Variants in TMEM175 observed in about 807,000 individuals in gnomAD.
The protein encoded by TMEM175 is endosomal/lysosomal proton channel TMEM175.
TMEM175 carries 36 observed loss-of-function variants against 36.5 expected under a neutral mutation model. The observed-to-expected ratio is 0.99, with a 90% confidence interval of 0.76 to 1.30. TMEM175 has a LOEUF of 1.30. TMEM175 is among the 50% of genes most tolerant of loss of function. The pLI is 0.00. For synonymous variants in TMEM175, 339 were observed against 313.4 expected (o/e 1.08, Z -0.86); for missense variants, 705 against 692.8 (o/e 1.02, Z -0.20).
At chr4:954,702 T>C (rs925658794) in intron 8 of TMEM175, among the ~76,000 whole-genome samples, 3 of 152,156 alleles carry the variant, frequency 2.0e-5, no homozygotes, top group Non-Finnish European at 2.9e-5. Flanking sequence ...ATTTTTTAAG[T>C]TTAATTTTTT....
chr4:948,231 G>T (rs540481769), intron 3 of TMEM175, 77 bp downstream of exon 3: 4 of 1,612,676 alleles, frequency 2.5e-6, no homozygotes, highest in Non-Finnish European at 3.4e-6. Flanking sequence ...CTGGCACAGG[G>T]TGCTGACCCT....
At position 948,113 on chromosome 4, in the gene TMEM175, C is replaced by T. The variant is rs751311611; in HGVS notation, c.154-3C>T. On this transcript the variant is annotated splice_polypyrimidine_tract_variant and splice_region_variant and intron_variant, in intron 2 of 10. Transcript: ENST00000264771. ...GCTTCCTTCTGTCTCTTTGCCCCCT[C>T]AGATCCTGCCTGTGACCCACACGGA... The T allele has an allele frequency of 9.3e-6, 15 of 1,614,032 alleles. No individual in the cohort carries two copies. Among genetic ancestry groups the T allele is most frequent in the East Asian group, 6.7e-5 (3 of 44,890 alleles).
At chr4:951,634 C>T (rs1261309242) in intron 5 of TMEM175, 48 bp from the exon 6 acceptor site, 1 of 1,613,620 alleles carries the variant, frequency 6.2e-7, no homozygotes, top group Non-Finnish European at 8.5e-7. Context: ...ATTCCCCTGC[C>T]CTTCTCCCCA....
rs560323771 is a variant in TMEM175, at chr4:945,700, C to A, written c.-31-2009C>A. Among the ~76,000 whole-genome samples the A allele has an allele frequency of 7.7e-4, 117 of 152,266 alleles. 1 individual carries two copies. Among genetic ancestry groups the A allele is most frequent in the African/African-American group, 2.6e-3 (109 of 41,538 alleles). On this transcript the variant is annotated intron_variant, in intron 1 of 10. Coordinates refer to ENST00000264771, the MANE Select transcript of TMEM175 (RefSeq NM_032326.4). Reference sequence around the variant, plus strand: ...GCCACATATTTCAGTCCCCTGATGCCCTTGGCCAAGTAAACAGCACCCCCT... The same window carrying A: ...GCCACATATTTCAGTCCCCTGATGCACTTGGCCAAGTAAACAGCACCCCCT...
At position 958,504 on chromosome 4, in the gene TMEM175, A is replaced by G; in HGVS notation, c.*8A>G. The G allele has an allele frequency of 1.3e-6, 2 of 1,505,110 alleles. No individual in the cohort carries two copies. The highest frequency in any genetic ancestry group is 1.4e-5 in the African/African-American group (1 of 72,808). 93.2% of individuals were successfully genotyped at this position (1,505,110 alleles called of 1,614,324 possible). ...CTCCCTGCCCCCTGCTAGCAGCCAC[A>G]GAGCCCACTCCCAGCCGTCCTCACC... On this transcript the variant is annotated 3_prime_UTR_variant, in exon 11 of 11. Transcript: ENST00000264771.
chr4:941,521 G>T (rs1012573256), intron 1 of TMEM175, among the ~76,000 whole-genome samples: 1 of 150,050 alleles, frequency 6.7e-6, no homozygotes, highest in African/African-American at 2.5e-5. Flanking sequence ...TCACGGCAGC[G>T]TCTGCCTCCC....
chr4:942,927 A>G (rs78888620), intron 1 of TMEM175, among the ~76,000 whole-genome samples: 1 of 152,194 alleles, frequency 6.6e-6, no homozygotes, highest in Non-Finnish European at 1.5e-5. Flanking sequence ...GGTGTGAGCC[A>G]CTGCGCCCAG....
At chr4:954,329 A>G (rs1390387648) in intron 8 of TMEM175, among the ~76,000 whole-genome samples, 1 of 152,248 alleles carries the variant, frequency 6.6e-6, no homozygotes, top group African/African-American at 2.4e-5. Context: ...CTGTGTCAGG[A>G]CAGTAAACAT....
chr4:943,020 AT>A (rs1245928634), intron 1 of TMEM175, among the ~76,000 whole-genome samples: 3 of 152,166 alleles, frequency 2.0e-5, no homozygotes, highest in Non-Finnish European at 4.4e-5. Context: ...ATATTTCCAA[AT>A]TACACATCTT....
rs148512239 is a variant in TMEM175 at position 947,780 on chromosome 4, C to T, written c.41C>T (p.Pro14Leu). ...ACCCCAGAGCAGGCACTGGATACAC[C>T]GGGGGACTGCCCCCCAGGCAGGAGA... ...PRTPEQALDT[P>L]GDCPPGRRDE... The change falls in exon 2 of 11, where the codon CCG (proline) becomes CTG (leucine). Residue 14 changes from proline to leucine, a missense_variant. Coordinates refer to ENST00000264771, the MANE Select transcript of TMEM175 (RefSeq NM_032326.4). 1.7e-3 allele frequency: 2,799 copies of T among 1,612,660 alleles called. 11 individuals are homozygous for T. Among genetic ancestry groups the T allele is most frequent in the Middle Eastern group, 0.01 (63 of 6,056 alleles).
chr4:950,840 G>T (rs553914279), intron 4 of TMEM175, among the ~76,000 whole-genome samples: 2 of 151,838 alleles, frequency 1.3e-5, no homozygotes, highest in East Asian at 3.9e-4. Context: ...TGGTGTGGAT[G>T]GTGCAGTAGG....
chr4:953,478 G>A, intron 8 of TMEM175, 124 bp downstream of exon 8: 21 of 1,238,344 alleles, frequency 1.7e-5, no homozygotes, highest in Non-Finnish European at 2.3e-5. Flanking sequence ...TTCCACCCAG[G>A]GTCTTGTGTG....
intron 10 of TMEM175, among the ~76,000 whole-genome samples, chr4:957,621 A>C (rs73792051): frequency 0.022 from 3,364 of 152,340 alleles, 97 homozygotes; most frequent in African/African-American, 0.076. Context: ...GTTTCTATGG[A>C]ATTTCAGATG....
In TMEM175 at chr4:958,506, A is replaced by C; in HGVS notation, c.*10A>C. On this transcript the variant is annotated 3_prime_UTR_variant, in exon 11 of 11. Coordinates refer to ENST00000264771, the MANE Select transcript of TMEM175 (RefSeq NM_032326.4). ...CCCTGCCCCCTGCTAGCAGCCACAG[A>C]GCCCACTCCCAGCCGTCCTCACCAG... is the stretch of plus-strand genomic sequence containing the variant. The C allele has an allele frequency of 6.7e-7, 1 of 1,500,574 alleles. No individual in the cohort carries two copies. Among genetic ancestry groups the C allele is most frequent in the East Asian group, 2.4e-5 (1 of 41,208 alleles). The allele number at this position is 1,500,574 out of a possible 1,614,324, so 93.0% of individuals were successfully genotyped here.
rs751116011 is a variant in TMEM175, at chr4:955,386, G to A, written c.628-19G>A. On this transcript the variant is annotated intron_variant, in intron 8 of 10. Coordinates refer to ENST00000264771, the MANE Select transcript of TMEM175 (RefSeq NM_032326.4). ...GGACCCCTGTGGAGGGCACTGACCT[G>A]CGGTTTGTCTCCCTGCAGTCTTACC... is the stretch of plus-strand genomic sequence containing the variant. 1.2e-6 allele frequency: 2 copies of A among 1,610,906 alleles called. No individual in the cohort carries two copies. Among genetic ancestry groups the A allele is most frequent in the East Asian group, 2.2e-5 (1 of 44,846 alleles).
chr4:952,316 G>A, intron 6 of TMEM175, 51 bp from the exon 7 acceptor site: 4 of 1,543,726 alleles, frequency 2.6e-6, no homozygotes, highest in South Asian at 1.1e-5. Context: ...AGGCTCTGGG[G>A]CCTGGTAACC....
At chr4:938,373 G>A (rs569558943) in intron 1 of TMEM175, among the ~76,000 whole-genome samples, 59 of 152,146 alleles carry the variant, frequency 3.9e-4, no homozygotes, top group African/African-American at 1.3e-3. Flanking sequence ...GTGTGGTGGC[G>A]GGCGCCTGTA....
chr4:949,096 C>T (rs1015964294), intron 3 of TMEM175, among the ~76,000 whole-genome samples: 10 of 152,210 alleles, frequency 6.6e-5, no homozygotes, highest in South Asian at 2.1e-4. Flanking sequence ...GCGTCCCCAC[C>T]GAGGCCCATG....
Position 955,907 on chromosome 4 carries a change from AC to A in TMEM175, c.842+19del, listed in dbSNP as rs1352287657. On this transcript the variant is annotated intron_variant, in intron 10 of 10. Transcript: ENST00000264771. Reference sequence around the variant, plus strand: ...GGACATCTGGTGAGGACCCCGCGTCACCTGCCCCAGCTATCAGGTGGCCAAT... The same window carrying A: ...GGACATCTGGTGAGGACCCCGCGTCACTGCCCCAGCTATCAGGTGGCCAAT... The A allele has an allele frequency of 1.2e-6, 2 of 1,608,118 alleles. No homozygotes were observed. The highest frequency in any genetic ancestry group is 1.3e-5 in the African/African-American group (1 of 74,880).
Sources: allele counts gnomAD v4.1 joint callset (sites outside exome capture counted in the v4.1 genomes callset), GRCh38; gene constraint gnomAD v4.1.1; transcripts MANE v1.5; gene names NCBI Gene and HGNC (gene_info 2026-07-23, HGNC 2026-07-21).